Variants in HDAC9 observed in about 807,000 individuals in gnomAD.
HDAC9 encodes MEF-2 interacting transcription repressor (MITR) protein.
Under a neutral mutation model 139.4 loss-of-function variants are expected in HDAC9, and 41 were observed. The ratio of observed to expected loss-of-function variants is 0.29; its 90% CI spans 0.23 to 0.38. HDAC9 has a LOEUF of 0.38. HDAC9 is among the 10% of genes least tolerant of loss of function. The pLI is 1.00. For missense variants in HDAC9, 1,147 were observed against 1,297.0 expected (o/e 0.88, Z 1.78); for synonymous variants, 517 against 476.2 (o/e 1.09, Z -1.12).
chr7:18,993,863 G>C (rs916869202), intron 25 of HDAC9, among the ~76,000 whole-genome samples: 4 of 152,134 alleles, frequency 2.6e-5, no homozygotes, highest in African/African-American at 9.7e-5. Flanking sequence ...CATATGTGTA[G>C]ATGGTTCAAT....
At position 18,675,704 on chromosome 7, in the gene HDAC9, G is replaced by A. The variant is rs561642455; in HGVS notation, c.1731+9228G>A. On this transcript the variant is annotated intron_variant, in intron 12 of 25. Transcript: ENST00000686413. ...ACATAGAAAATGGCAATATGTATAC[G>A]GCCCAGGTCACTGCAGGAGGCTGCT... Among the ~76,000 whole-genome samples, 6 of 151,820 alleles carry A rather than the reference G, an allele frequency of 4.0e-5. No homozygotes were observed. In the East Asian group the frequency reaches 5.8e-4, roughly 15 times the overall value.
chr7:18,761,996 T>C (rs371051334), intron 14 of HDAC9, among the ~76,000 whole-genome samples, 161 bp from the exon 15 acceptor site: 1 of 152,206 alleles, frequency 6.6e-6, no homozygotes, highest in South Asian at 2.1e-4. Context: ...CATACACTCA[T>C]TTTTCAAATA....
At chr7:18,688,022 A>G (rs1247368010) in intron 12 of HDAC9, among the ~76,000 whole-genome samples, 5 of 151,806 alleles carry the variant, frequency 3.3e-5, no homozygotes, top group Admixed American at 2.0e-4. Flanking sequence ...GAAAACATGG[A>G]AACTCCACAA....
At chr7:18,278,355 G>T (rs534972248) in intron 2 of HDAC9, among the ~76,000 whole-genome samples, 2 of 152,260 alleles carry the variant, frequency 1.3e-5, no homozygotes, top group South Asian at 2.1e-4. Context: ...AAAAACATAC[G>T]CTTTGAATGG....
At chr7:18,476,371 CA>C (rs1563025973) in intron 1 of HDAC9, among the ~76,000 whole-genome samples, 1 of 152,034 alleles carries the variant, frequency 6.6e-6, no homozygotes, top group African/African-American at 2.4e-5. Context: ...TAATGACCAA[CA>C]AGTTGTAAGA....
intron 1 of HDAC9, among the ~76,000 whole-genome samples, chr7:18,362,216 AT>A (rs1366309251): frequency 9.2e-5 from 14 of 152,192 alleles, no homozygotes; most frequent in African/African-American, 3.4e-4. Flanking sequence ...TCCAGTCCTC[AT>A]TTCCAAATTT....
intron 2 of HDAC9, among the ~76,000 whole-genome samples, chr7:18,553,609 G>T (rs1313653554): frequency 6.6e-6 from 1 of 152,154 alleles, no homozygotes; most frequent in African/African-American, 2.4e-5. Context: ...GTAACTATTG[G>T]TAGGGGATTT....
At chr7:18,228,083 A>G (rs1260763186) in intron 2 of HDAC9, among the ~76,000 whole-genome samples, 2 of 152,186 alleles carry the variant, frequency 1.3e-5, no homozygotes, top group South Asian at 2.1e-4. Flanking sequence ...TTAGCTTGCA[A>G]TTTTTAATCA....
At chr7:18,637,889 G>A (rs770683626) in intron 8 of HDAC9, among the ~76,000 whole-genome samples, 9 of 151,752 alleles carry the variant, frequency 5.9e-5, no homozygotes, top group Non-Finnish European at 1.2e-4. Flanking sequence ...TAGCTTTTTA[G>A]CACTAAATGT....
intron 25 of HDAC9, among the ~76,000 whole-genome samples, chr7:18,995,626 T>C (rs1226136857): frequency 6.6e-6 from 1 of 152,190 alleles, no homozygotes; most frequent in Non-Finnish European, 1.5e-5. Context: ...GTGAGTCTCC[T>C]CCAGAAGCTA....
intron 16 of HDAC9, among the ~76,000 whole-genome samples, chr7:18,786,450 G>A (rs1365896345): frequency 4.2e-5 from 4 of 96,272 alleles, no homozygotes; most frequent in African/African-American, 1.1e-4. Context: ...TTTTCCCATC[G>A]CCCTTTCCTT....
chr7:18,650,591 A>C (rs983922678), intron 11 of HDAC9, among the ~76,000 whole-genome samples: 1 of 152,160 alleles, frequency 6.6e-6, no homozygotes, highest in Admixed American at 6.6e-5. Context: ...CCTCAGTCAC[A>C]CTGGATAAAA....
rs962053425 is a variant in HDAC9, at chr7:19,001,508, T to C, written c.*5446T>C. The C allele has an allele frequency of 6.6e-6, 1 of 151,250 alleles. No individual in the cohort carries two copies. Among genetic ancestry groups the C allele is most frequent in the Admixed American group, 6.6e-5 (1 of 15,128 alleles). 9.4% of individuals were successfully genotyped at this position (151,250 alleles called of 1,614,324 possible). ...GAGATCTTGCAGCAATATTTGGCTA[T>C]TGGTTTTATTAACTTAAAATTCAAC... On this transcript the variant is annotated 3_prime_UTR_variant, in exon 26 of 26. Transcript: ENST00000686413.
chr7:18,590,609 C>A, intron 4 of HDAC9, 123 bp downstream of exon 4: 4 of 1,004,624 alleles, frequency 4.0e-6, no homozygotes, highest in Non-Finnish European at 5.7e-6. Context: ...TAATTAAAAG[C>A]ATAGATTACA....
intron 2 of HDAC9, chr7:18,509,522 T>A (rs181433788): frequency 1.2e-6 from 1 of 848,254 alleles, no homozygotes; most frequent in East Asian, 1.2e-4. Context: ...GAAAGCTGTA[T>A]TTTTTAAATG....
intron 1 of HDAC9, among the ~76,000 whole-genome samples, chr7:18,481,952 G>T (rs1795584579): frequency 1.3e-5 from 2 of 152,102 alleles, no homozygotes; most frequent in South Asian, 4.1e-4. Context: ...ATTATTAGCT[G>T]TGTCTGTAAT....
At chr7:18,325,542 G>T (rs1029136252) in intron 1 of HDAC9, 1 of 151,874 alleles carries the variant, frequency 6.6e-6, no homozygotes, top group Admixed American at 6.6e-5. Flanking sequence ...GCCCAGGCTG[G>T]TATCAAACTC....
At chr7:18,499,689 A>G (rs112332426) in intron 2 of HDAC9, among the ~76,000 whole-genome samples, 110 of 152,304 alleles carry the variant, frequency 7.2e-4, no homozygotes, top group African/African-American at 2.4e-3. Context: ...TTATGAAGGA[A>G]TTTCCTAGAG....
At chr7:18,835,719 C>A in intron 20 of HDAC9, 133 bp downstream of exon 20, 1 of 1,296,348 alleles carries the variant, frequency 7.7e-7, no homozygotes, top group Non-Finnish European at 1.1e-6. Flanking sequence ...TCCCATGGGA[C>A]CAAGAACCAG....
Sources: gnomAD v4.1 joint callset for allele counts (sites outside exome capture counted in the v4.1 genomes callset) on GRCh38, gnomAD v4.1.1 for gene constraint, MANE v1.5 for transcripts, NCBI Gene and HGNC (gene_info 2026-07-23, HGNC 2026-07-21) for gene names.